The following ZNF609 variants were observed in gnomAD, a reference collection of about 807,000 sequenced individuals.
The protein encoded by ZNF609 is zinc finger protein 609.
ZNF609 carries 11 observed loss-of-function variants against 109.5 expected under a neutral mutation model. That is an observed-to-expected ratio of 0.10 (90% CI 0.06 to 0.17). ZNF609 has a LOEUF of 0.17. Among genes scored for constraint, ZNF609 ranks in the 10% least tolerant of loss-of-function variants. The probability of loss-of-function intolerance (pLI) is 1.00; values close to 1 mark genes in which losing one functional copy is unlikely to be tolerated. For missense variants in ZNF609, 1,559 were observed against 1,772.4 expected (o/e 0.88, Z 2.16); for synonymous variants, 646 against 662.0 (o/e 0.98, Z 0.37).
intron 2 of ZNF609, among the ~76,000 whole-genome samples, chr15:64,597,355 C>T (rs189083860): frequency 6.6e-6 from 1 of 152,196 alleles, no homozygotes; most frequent in Admixed American, 6.5e-5. Flanking sequence ...GAGGTTACCA[C>T]GGTAACAAGC....
intron 3 of ZNF609, among the ~76,000 whole-genome samples, chr15:64,660,784 A>G (rs1418735635): frequency 6.6e-6 from 1 of 152,132 alleles, no homozygotes; most frequent in Non-Finnish European, 1.5e-5. Flanking sequence ...AATGTCTTCT[A>G]ATTTCCACAG....
intron 3 of ZNF609, among the ~76,000 whole-genome samples, chr15:64,635,589 G>GTTAGTTGTCTTAGTTA (rs1896161170): frequency 6.6e-6 from 1 of 152,162 alleles, no homozygotes; most frequent in African/African-American, 2.4e-5. Flanking sequence ...GTTAGTCATT[G>GTTAGTTGTCTTAGTTA]GTTGTGATGA....
intron 2 of ZNF609, among the ~76,000 whole-genome samples, chr15:64,591,382 C>A (rs1196301170): frequency 6.6e-6 from 1 of 151,966 alleles, no homozygotes; most frequent in African/African-American, 2.4e-5. Context: ...GAGCCAAGAT[C>A]GCGCCACTGC....
chr15:64,676,954 C>T (rs926334554), intron 5 of ZNF609, among the ~76,000 whole-genome samples: 5 of 151,918 alleles, frequency 3.3e-5, no homozygotes, highest in Non-Finnish European at 7.4e-5. Flanking sequence ...GGGGTTTCAC[C>T]ATGTTAGCCA....
At position 64,683,747 on chromosome 15, in the gene ZNF609, T is replaced by C. The variant is rs576028540; in HGVS notation, c.*2061T>C. On this transcript the variant is annotated 3_prime_UTR_variant, in exon 10 of 10. Transcript: ENST00000326648. ...TGTGAGGTGGAGCCAAGGTTCCCTCTCTGTTCCTGTTTGTTTTTAAATATT... is the reference window on the plus strand; with the variant it reads ...TGTGAGGTGGAGCCAAGGTTCCCTCCCTGTTCCTGTTTGTTTTTAAATATT... The C allele has an allele frequency of 1.3e-5, 2 of 152,274 alleles. No individual in the cohort carries two copies. Among genetic ancestry groups the C allele is most frequent in the African/African-American group, 2.4e-5 (1 of 41,464 alleles). 9.4% of individuals were successfully genotyped at this position (152,274 alleles called of 1,614,324 possible).
rs11633399 is a variant in ZNF609 at position 64,670,431 on chromosome 15, A to C, written c.1059A>C (p.Pro353=). 0.46 allele frequency: 734,484 copies of C among 1,612,054 alleles called. 176,950 individuals are homozygous for C. The highest frequency in any genetic ancestry group is 0.5 in the Non-Finnish European group (591,737 of 1,178,258). ...LDCTRHDWAP[P]RFCDSPTSDL... is the part of the protein sequence containing the mutation. ...GCACACGACATGATTGGGCACCCCC[A>C]AGGTAAGCACTTACAGCTATTTAGT... The change falls in exon 4 of 10, where the codon CCA becomes CCC. Residue 353 remains proline (P), a splice_region_variant and synonymous_variant. Transcript: ENST00000326648.
intron 1 of ZNF609, among the ~76,000 whole-genome samples, chr15:64,461,593 T>C (rs1220811038): frequency 1.3e-5 from 2 of 152,154 alleles, no homozygotes; most frequent in African/African-American, 4.8e-5. Flanking sequence ...TTAATGTGTG[T>C]TTGTGAAACA....
At chr15:64,627,201 A>AG (rs945744435) in intron 3 of ZNF609, among the ~76,000 whole-genome samples, 15 of 151,966 alleles carry the variant, frequency 9.9e-5, no homozygotes, top group African/African-American at 3.6e-4. Flanking sequence ...CAAAAAAAAA[A>AG]CAAAAAAAAA....
intron 2 of ZNF609, among the ~76,000 whole-genome samples, chr15:64,585,417 T>C (rs1895180035): frequency 6.6e-6 from 1 of 152,198 alleles, no homozygotes; most frequent in African/African-American, 2.4e-5. Context: ...GGTCTTATGC[T>C]GAGGGTAGCC....
intron 3 of ZNF609, among the ~76,000 whole-genome samples, chr15:64,642,340 T>A (rs530763187): frequency 6.6e-6 from 1 of 152,176 alleles, no homozygotes; most frequent in South Asian, 2.1e-4. Flanking sequence ...TGTACCACCA[T>A]GTCTGGCTAA....
At chr15:64,509,352 A>G (rs921163343) in intron 2 of ZNF609, among the ~76,000 whole-genome samples, 1 of 152,194 alleles carries the variant, frequency 6.6e-6, no homozygotes, top group African/African-American at 2.4e-5. Flanking sequence ...TGAGGATTAA[A>G]TGAGATGAAA....
chr15:64,563,777 A>G (rs1894727858), intron 2 of ZNF609, among the ~76,000 whole-genome samples: 1 of 143,406 alleles, frequency 7.0e-6, no homozygotes, highest in African/African-American at 2.9e-5. Context: ...TCTGTCTCAA[A>G]ACAAAACAAA....
chr15:64,486,029 C>T (rs988577285), intron 1 of ZNF609, among the ~76,000 whole-genome samples: 9 of 152,110 alleles, frequency 5.9e-5, no homozygotes, highest in Admixed American at 2.6e-4. Context: ...AGTCAAGATA[C>T]AGACAGCTCC....
chr15:64,548,744 A>G (rs1183610586), intron 2 of ZNF609, among the ~76,000 whole-genome samples: 1 of 152,234 alleles, frequency 6.6e-6, no homozygotes, highest in Non-Finnish European at 1.5e-5. Context: ...CCTGGGCAAC[A>G]GAACAAGATC....
chr15:64,614,382 A>T (rs904253389), intron 2 of ZNF609, among the ~76,000 whole-genome samples: 1 of 152,010 alleles, frequency 6.6e-6, no homozygotes, highest in African/African-American at 2.4e-5. Flanking sequence ...GGCGACTGCC[A>T]CAATGCCCGG....
chr15:64,526,427 A>G (rs972845625), intron 2 of ZNF609, among the ~76,000 whole-genome samples: 1 of 152,058 alleles, frequency 6.6e-6, no homozygotes, highest in African/African-American at 2.4e-5. Context: ...TACAACCTCG[A>G]TGTCTTTTTT....
rs182465924 is a variant in ZNF609, at chr15:64,587,586, C to A, written c.748-35241C>A. 6.9e-4 allele frequency among the ~76,000 whole-genome samples: 105 copies of A among 152,220 alleles called. 1 individual carries two copies. Among genetic ancestry groups the A allele is most frequent in the African/African-American group, 2.5e-3 (104 of 41,532 alleles). ...ACCTAATTAGATTTTCAAAAGTGTT[C>A]ATTGATTATACTCAAAAAACATTTA... On this transcript the variant is annotated intron_variant, in intron 2 of 9. Coordinates refer to ENST00000326648, the MANE Select transcript of ZNF609 (RefSeq NM_015042.2).
chr15:64,492,755 TATA>T (rs763995087), intron 1 of ZNF609, among the ~76,000 whole-genome samples: 1 of 152,216 alleles, frequency 6.6e-6, no homozygotes, highest in Non-Finnish European at 1.5e-5. Flanking sequence ...TCCTCCATCT[TATA>T]ATGAGAAAAT....
intron 3 of ZNF609, among the ~76,000 whole-genome samples, chr15:64,627,317 G>A (rs1468108157): frequency 6.6e-6 from 1 of 152,150 alleles, no homozygotes; most frequent in Non-Finnish European, 1.5e-5. Flanking sequence ...TACTTTTAGG[G>A]ACACAAAATT....
Sources: allele counts gnomAD v4.1 joint callset (sites outside exome capture counted in the v4.1 genomes callset), GRCh38; gene constraint gnomAD v4.1.1; transcripts MANE v1.5; gene names NCBI Gene and HGNC (gene_info 2026-07-23, HGNC 2026-07-21).